LRP1B: variants seen among roughly 807,000 people sequenced by gnomAD.
LRP1B encodes LDL receptor related protein 1B.
LRP1B carries 217 observed loss-of-function variants against 556.6 expected under a neutral mutation model. That is an observed-to-expected ratio of 0.39 (90% CI 0.35 to 0.44). The LOEUF is 0.44. Among genes scored for constraint, LRP1B ranks in the 20% least tolerant of loss-of-function variants. LRP1B has a pLI of 1.00. For missense variants in LRP1B, 5,053 were observed against 5,620.8 expected (o/e 0.90, Z 3.23); for synonymous variants, 2,047 against 1,865.8 (o/e 1.10, Z -2.50).
At position 140,325,880 on chromosome 2, in the gene LRP1B, T is replaced by G. The variant is rs994908252; in HGVS notation, c.12224-2A>C. 6.3e-7 allele frequency: 1 copy of G among 1,581,530 alleles called. No homozygotes were observed. The highest frequency in any genetic ancestry group is 1.3e-5 in the African/African-American group (1 of 74,330). ...CACTAAAATAATCCACAGCCAAACC[T>G]GCAAAATCAACACACACAAGACAAA... On this transcript the variant is annotated splice_acceptor_variant, in intron 79 of 90. Coordinates refer to ENST00000389484, the MANE Select transcript of LRP1B (RefSeq NM_018557.3). LOFTEE classifies it high-confidence loss of function.
At chr2:141,669,365 T>A (rs534423917) in intron 2 of LRP1B, among the ~76,000 whole-genome samples, 1 of 152,264 alleles carries the variant, frequency 6.6e-6, no homozygotes. Flanking sequence ...TAGTCTCTGA[T>A]ATCTAGCCCC....
intron 2 of LRP1B, among the ~76,000 whole-genome samples, chr2:141,591,006 G>A (rs976988571): frequency 1.2e-4 from 18 of 152,028 alleles, no homozygotes; most frequent in African/African-American, 3.4e-4. Context: ...TTTGAAGCCC[G>A]AGCCATGGTA....
chr2:141,397,113 CAAAAAA>C (rs5834824), intron 3 of LRP1B, among the ~76,000 whole-genome samples: 6 of 41,958 alleles, frequency 1.4e-4, no homozygotes, highest in East Asian at 1.2e-3. Context: ...AACTTTGTCT[CAAAAAA>C]AAAAAAAAAA....
chr2:141,055,072 C>A (rs866010539), intron 10 of LRP1B, 44 bp downstream of exon 10: 2 of 1,603,634 alleles, frequency 1.2e-6, no homozygotes, highest in East Asian at 4.5e-5. Context: ...AAATCCTATT[C>A]TAAAGGGGTA....
At chr2:140,469,373 A>G (rs921169210) in intron 60 of LRP1B, among the ~76,000 whole-genome samples, 16 of 152,186 alleles carry the variant, frequency 1.1e-4, no homozygotes, top group African/African-American at 3.9e-4. Context: ...CACTGATTCT[A>G]CTGGCACTTT....
intron 31 of LRP1B, among the ~76,000 whole-genome samples, chr2:140,822,901 GA>G (rs1180497550): frequency 6.6e-6 from 1 of 152,144 alleles, no homozygotes; most frequent in Non-Finnish European, 1.5e-5. Flanking sequence ...CTCAGTTTCT[GA>G]ATCTATAAAG....
rs57494681 is a variant in LRP1B, at chr2:141,513,728, A to AAAAATAAAAT, written c.206-33205_206-33196dup. Among the ~76,000 whole-genome samples, 503 of 150,906 alleles carry AAAAATAAAAT rather than the reference A, an allele frequency of 3.3e-3. 6 individuals are homozygous for AAAAATAAAAT. Among genetic ancestry groups the AAAAATAAAAT allele is most frequent in the African/African-American group, 0.012 (492 of 41,090 alleles). ...GACAAACTTAAAGTCTCTTGTGCTT[A>AAAAATAAAAT]AAAATAAAATAAAATAAAATAAAAT... On this transcript the variant is annotated intron_variant, in intron 2 of 90. Transcript: ENST00000389484.
At chr2:141,981,734 G>C (rs1702047183) in intron 1 of LRP1B, among the ~76,000 whole-genome samples, 1 of 152,088 alleles carries the variant, frequency 6.6e-6, no homozygotes, top group Non-Finnish European at 1.5e-5. Flanking sequence ...CCAAAATCTG[G>C]ATTTCTAGGT....
intron 1 of LRP1B, among the ~76,000 whole-genome samples, chr2:141,867,572 G>A (rs1291570692): frequency 1.3e-5 from 2 of 152,106 alleles, no homozygotes; most frequent in Admixed American, 6.6e-5. Context: ...ACTAAGGTAT[G>A]TCTTATTCAG....
chr2:141,725,310 T>C (rs1692987455), intron 2 of LRP1B, among the ~76,000 whole-genome samples: 1 of 151,906 alleles, frequency 6.6e-6, no homozygotes. Context: ...CTCGACTTCT[T>C]CAAATTTGAG....
intron 86 of LRP1B, chr2:140,269,452 T>C (rs1322417327): frequency 2.2e-6 from 1 of 453,770 alleles, no homozygotes; most frequent in Non-Finnish European, 4.5e-6. Flanking sequence ...TTTAAATTCA[T>C]TTCATACAGA....
intron 6 of LRP1B, among the ~76,000 whole-genome samples, chr2:141,210,607 G>A (rs1246859970): frequency 6.6e-6 from 1 of 152,114 alleles, no homozygotes; most frequent in Non-Finnish European, 1.5e-5. Context: ...GTTGTACCAA[G>A]TATATGGCAC....
chr2:142,061,123 A>G (rs1574644003), intron 1 of LRP1B, among the ~76,000 whole-genome samples: 1 of 152,014 alleles, frequency 6.6e-6, no homozygotes, highest in East Asian at 1.9e-4. Flanking sequence ...CCTCTTACAG[A>G]TTCAATGTAC....
intron 2 of LRP1B, among the ~76,000 whole-genome samples, chr2:141,720,535 A>G (rs1692773996): frequency 6.6e-6 from 1 of 152,110 alleles, no homozygotes; most frequent in Non-Finnish European, 1.5e-5. Context: ...GTATTTCATC[A>G]GAAGACTCTT....
At chr2:141,211,176 C>T (rs968967889) in intron 6 of LRP1B, among the ~76,000 whole-genome samples, 6 of 151,390 alleles carry the variant, frequency 4.0e-5, no homozygotes, top group Admixed American at 2.0e-4. Flanking sequence ...TTAGTAGAGA[C>T]GGGGTTTCAC....
At chr2:141,974,830 G>A (rs1701840567) in intron 1 of LRP1B, among the ~76,000 whole-genome samples, 1 of 152,052 alleles carries the variant, frequency 6.6e-6, no homozygotes. Flanking sequence ...AATGATGGTA[G>A]CTCTGCAGAG....
At chr2:140,511,397 G>A (rs111921887) in intron 51 of LRP1B, among the ~76,000 whole-genome samples, 9,946 of 149,084 alleles carry the variant, frequency 0.067, 465 homozygotes, top group African/African-American at 0.13. Flanking sequence ...CGCCTCCCGG[G>A]TTCACGCCAT....
intron 1 of LRP1B, among the ~76,000 whole-genome samples, chr2:141,867,817 T>A (rs4662269): frequency 1.3e-5 from 2 of 151,946 alleles, no homozygotes; most frequent in African/African-American, 2.4e-5. Flanking sequence ...ACTTATATCC[T>A]ATTGTATGTA....
intron 2 of LRP1B, among the ~76,000 whole-genome samples, chr2:141,544,421 C>CTTCTCCTCCTTCTCCTCCTCCTTCTTT (rs1685478646): frequency 2.1e-5 from 3 of 144,564 alleles, no homozygotes; most frequent in Admixed American, 7.2e-5. Context: ...CCTTCTCCTC[C>CTTCTCCTCCTTCTCCTCCTCCTTCTTT]TTCTCCTCCT....
Sources: gnomAD v4.1 joint callset for allele counts (sites outside exome capture counted in the v4.1 genomes callset) on GRCh38, gnomAD v4.1.1 for gene constraint, MANE v1.5 for transcripts, NCBI Gene and HGNC (gene_info 2026-07-23, HGNC 2026-07-21) for gene names.